CHD4: variants seen among roughly 807,000 people sequenced by gnomAD.
CHD4 encodes ATP-dependent chromatin remodeler CHD4.
CHD4 carries 35 observed loss-of-function variants against 235.5 expected under a neutral mutation model. That is an observed-to-expected ratio of 0.15 (90% CI 0.11 to 0.20). CHD4 has a LOEUF of 0.20. Among genes scored for constraint, CHD4 ranks in the 10% least tolerant of loss-of-function variants. The pLI is 1.00. For synonymous variants in CHD4, 900 were observed against 850.2 expected, an observed-to-expected ratio of 1.06 and a Z score of -1.02; for missense variants, 1,329 against 2,432.3, an observed-to-expected ratio of 0.55 and a Z score of 9.54.
intron 2 of CHD4, chr12:6,602,851 C>T (rs577801372): frequency 1.3e-4 from 25 of 190,770 alleles, no homozygotes; most frequent in Non-Finnish European, 2.3e-4. Context: ...CCTCCTGTAA[C>T]TGGCCACCAA....
At position 6,571,023 on chromosome 12, in the gene CHD4, T is replaced by A; in HGVS notation, c.5567A>T (p.Gln1856Leu). The A allele has an allele frequency of 6.2e-7, 1 of 1,614,134 alleles. No individual in the cohort carries two copies. Among genetic ancestry groups the A allele is most frequent in the Non-Finnish European group, 8.5e-7 (1 of 1,180,026 alleles). The stretch of plus-strand genomic sequence containing the variant: ...CATGTCACTCAGCAGTTCTTCCAGC[T>A]GTTTCAGAACTGCATAGGGAGAAAA... ...ANAVLHKVLK[Q>L]LEELLSDMKA... Residue 1856 changes from glutamine to leucine, a missense_variant, in exon 39 of 40, where the codon CAG (glutamine) becomes CTG (leucine). By Grantham distance (113) the Gln-to-Leu change is moderately radical. Coordinates refer to ENST00000544040, the MANE Select transcript of CHD4 (RefSeq NM_001273.5).
At chr12:6,577,956 G>GT (rs776959991) in intron 36 of CHD4, 39 bp from the exon 37 acceptor site, 1 of 1,612,562 alleles carries the variant, frequency 6.2e-7, no homozygotes, top group Non-Finnish European at 8.5e-7. Flanking sequence ...AACAAGGAAA[G>GT]TAAGAACCTC....
chr12:6,592,111 A>C, intron 19 of CHD4, 54 bp from the exon 20 acceptor site: 1 of 1,600,534 alleles, frequency 6.2e-7, no homozygotes, highest in Non-Finnish European at 8.5e-7. Context: ...TCAATGACTA[A>C]TAATGCAGTG....
intron 22 of CHD4, 63 bp downstream of exon 22, chr12:6,591,403 G>A: frequency 7.9e-7 from 1 of 1,273,232 alleles, no homozygotes; most frequent in Non-Finnish European, 1.1e-6. Context: ...TGCACAAGAA[G>A]TTACAGTCCA....
chr12:6,593,084 C>A lies in CHD4; in HGVS notation c.2652+7G>T. On this transcript the variant is annotated splice_region_variant and intron_variant, in intron 17 of 39. Transcript: ENST00000544040. The surrounding 1 kb of genome is among the most constrained non-coding windows in gnomAD (Gnocchi z 4.9). ...GGGGGCTCCAACATCCCTCCCTCAG[C>A]CCTCACCTTAGACTGATTGTTCTTC... 1.9e-6 allele frequency: 3 copies of A among 1,613,730 alleles called. No homozygotes were observed. The highest frequency in any genetic ancestry group is 2.5e-6 in the Non-Finnish European group (3 of 1,179,974).
chr12:6,606,457 C>A lies in CHD4; in HGVS notation c.-78-6G>T, dbSNP rs1014660993. ...CTCTACACTGGCCCGAGTCACTGTG[C>A]GGGGGAGGGGGGAGAAACACAGAAC... On this transcript the variant is annotated splice_polypyrimidine_tract_variant and splice_region_variant and intron_variant, in intron 1 of 39. Coordinates refer to ENST00000544040, the MANE Select transcript of CHD4 (RefSeq NM_001273.5). The A allele has an allele frequency of 6.9e-6, 5 of 724,138 alleles. No individual in the cohort carries two copies. Among genetic ancestry groups the A allele is most frequent in the African/African-American group, 5.6e-5 (3 of 53,474 alleles). 44.9% of individuals were successfully genotyped at this position (724,138 alleles called of 1,614,324 possible).
rs1264271892 is a variant in CHD4, at chr12:6,589,479, A to C, written c.3341-1057T>G. On this transcript the variant is annotated intron_variant, in intron 22 of 39. Coordinates refer to ENST00000544040, the MANE Select transcript of CHD4 (RefSeq NM_001273.5). The stretch of plus-strand genomic sequence containing the variant: ...CCCAGTATGATGAACTGAAAAGGAC[A>C]CATCATCGACTGGGCGTGGTGGCTC... Among the ~76,000 whole-genome samples, 11 of 152,220 alleles carry C rather than the reference A, an allele frequency of 7.2e-5. No homozygotes were observed. The East Asian group carries it at 7.7e-4, about 11-fold the overall frequency.
Position 6,591,551 on chromosome 12 carries a change from G to C in CHD4, c.3255C>G (p.Phe1085Leu). 1.2e-6 allele frequency: 2 copies of C among 1,614,210 alleles called. No individual in the cohort carries two copies. Residue 1085 changes from phenylalanine (F) to leucine (L), a missense_variant, in exon 22 of 40, where the codon TTC (phenylalanine) becomes TTG (leucine). Physicochemically the swap from Phe to Leu is conservative, Grantham distance 22 (BLOSUM62 0). Transcript: ENST00000544040. The part of the protein sequence containing the change: ...MTKMLDLLED[F>L]LEHEGYKYER... ...CGTATTTATAACCTTCATGTTCCAA[G>C]AAATCCTCTAGCAGGTCTAGCATCT...
intron 22 of CHD4, 152 bp downstream of exon 22, chr12:6,591,314 A>G: frequency 1.6e-6 from 1 of 631,152 alleles, no homozygotes; most frequent in South Asian, 2.0e-5. Context: ...AGTCCAATAC[A>G]TTCGTCCAAT....
At chr12:6,604,504 A>G (rs765064264) in intron 2 of CHD4, among the ~76,000 whole-genome samples, 75 of 152,036 alleles carry the variant, frequency 4.9e-4, no homozygotes, top group Non-Finnish European at 9.6e-4. Context: ...ATGCAACATC[A>G]GCCTGGATTT....
chr12:6,587,984 ATT>A, intron 23 of CHD4, 35 bp from the exon 24 acceptor site: 1 of 1,585,546 alleles, frequency 6.3e-7, no homozygotes, highest in Non-Finnish European at 8.7e-7. Context: ...CAGAAATTGT[ATT>A]TTCCTGGTGC....
At chr12:6,578,583 C>G (rs1948113928) in intron 34 of CHD4, 37 bp from the exon 35 acceptor site, 1 of 1,606,202 alleles carries the variant, frequency 6.2e-7, no homozygotes, top group Non-Finnish European at 8.5e-7. Context: ...CAGCTCCAGC[C>G]AAAGCCCAGC....
At chr12:6,586,251 T>A (rs1449249896) in intron 25 of CHD4, among the ~76,000 whole-genome samples, 1 of 148,236 alleles carries the variant, frequency 6.7e-6, no homozygotes, top group African/African-American at 2.5e-5. Flanking sequence ...ACAAAAAAAA[T>A]TAGCTGGGTG....
intron 12 of CHD4, among the ~76,000 whole-genome samples, chr12:6,596,819 G>T (rs926562417): frequency 5.3e-5 from 8 of 151,118 alleles, no homozygotes; most frequent in Admixed American, 2.0e-4. Flanking sequence ...AATTAGGCAG[G>T]CGTGGTGGCA....
At position 6,601,739 on chromosome 12, in the gene CHD4, C is replaced by G; in HGVS notation, c.466G>C (p.Glu156Gln). The change falls in exon 5 of 40, where the codon GAA becomes CAA. Residue 156 changes from glutamate to glutamine, a missense_variant. Around this residue, in one of 26 missense-constraint regions of CHD4, gnomAD observed 39 missense variants for 86.6 expected, o/e 0.45. Transcript: ENST00000544040. ...TCAATGTCTTCCATGCCCCAGTCTT[C>G]CAGGAGCTGAGCAGATGATTTAGGC... is the stretch of plus-strand genomic sequence containing the variant. ...KEPKSSAQLL[E>Q]DWGMEDIDHV... 6.2e-7 allele frequency: 1 copy of G among 1,614,088 alleles called. No individual in the cohort carries two copies. The highest frequency in any genetic ancestry group is 8.5e-7 in the Non-Finnish European group (1 of 1,180,014).
Position 6,570,517 on chromosome 12 carries a change from C to T in CHD4, c.*159G>A. The T allele has an allele frequency of 1.2e-6, 1 of 820,990 alleles. No individual in the cohort carries two copies. Among genetic ancestry groups the T allele is most frequent in the East Asian group, 2.6e-5 (1 of 38,180 alleles). The allele number at this position is 820,990 out of a possible 1,614,324, so 50.9% of individuals were successfully genotyped here. A position where few individuals can be genotyped will look rare whatever the true frequency, so the allele number is the denominator to read the frequency against. Reference sequence around the variant, plus strand: ...GCAGGAAGGGCACCACTGCCCCTCACTCCCTCCCCTCCCCCAGTGCACTGG... The same window carrying T: ...GCAGGAAGGGCACCACTGCCCCTCATTCCCTCCCCTCCCCCAGTGCACTGG... On this transcript the variant is annotated 3_prime_UTR_variant, in exon 40 of 40. Transcript: ENST00000544040.
chr12:6,571,187 T>C (rs1947962080), intron 38 of CHD4, 155 bp from the exon 39 acceptor site: 1 of 823,904 alleles, frequency 1.2e-6, no homozygotes, highest in African/African-American at 1.7e-5. Context: ...TTCAAATTCC[T>C]ACTCCTCATA....
intron 2 of CHD4, among the ~76,000 whole-genome samples, chr12:6,605,682 C>T (rs1948682553): frequency 6.6e-6 from 1 of 152,212 alleles, no homozygotes; most frequent in African/African-American, 2.4e-5. Flanking sequence ...GCCCCCATCA[C>T]TTCCCCACTC....
intron 1 of CHD4, 48 bp from the exon 2 acceptor site, chr12:6,606,499 T>C: frequency 3.6e-6 from 2 of 549,352 alleles, no homozygotes; most frequent in Non-Finnish European, 6.3e-6. Flanking sequence ...TGACGCGCAC[T>C]GTCCCCCTCC....
Sources: gnomAD v4.1 joint callset for allele counts (sites outside exome capture counted in the v4.1 genomes callset) on GRCh38, gnomAD v4.1.1 for gene constraint, gnomAD v4.1.1 regional missense constraint, Gnocchi (gnomAD v3.1) non-coding constraint, MANE v1.5 for transcripts, NCBI Gene and HGNC (gene_info 2026-07-23, HGNC 2026-07-21) for gene names.